The following IPO8 variants were observed in gnomAD, a reference collection of about 807,000 sequenced individuals.
The protein encoded by IPO8 is importin 8.
In IPO8, 65 loss-of-function variants were observed where a neutral mutation model predicts 141.2. The ratio of observed to expected loss-of-function variants is 0.46; its 90% CI spans 0.38 to 0.57. The LOEUF is 0.57. Ranked by LOEUF, IPO8 falls within the 20% of genes least tolerant of loss-of-function variation. IPO8 has a pLI of 0.00. For synonymous variants in IPO8, 411 were observed against 420.3 expected, an observed-to-expected ratio of 0.98 and a Z score of 0.27; for missense variants, 980 against 1,246.8, an observed-to-expected ratio of 0.79 and a Z score of 3.22.
chr12:30,676,425 G>A (rs956861751), intron 6 of IPO8, 73 bp downstream of exon 6: 8 of 849,068 alleles, frequency 9.4e-6, no homozygotes, highest in Non-Finnish European at 1.5e-5. Context: ...AGCAGTCAGG[G>A]ATAATGCATC....
chr12:30,648,803 G>A (rs1385986060), intron 20 of IPO8, among the ~76,000 whole-genome samples: 1 of 151,906 alleles, frequency 6.6e-6, no homozygotes, highest in South Asian at 2.1e-4. Context: ...GTTAGAAAAG[G>A]TACCTAGGAG....
Position 30,669,208 on chromosome 12 carries a change from T to C in IPO8, c.1119A>G (p.Pro373=), listed in dbSNP as rs754011199. 5 of 1,580,146 alleles carry C rather than the reference T, an allele frequency of 3.2e-6. No homozygotes were observed. Among genetic ancestry groups the C allele is most frequent in the Non-Finnish European group, 4.3e-6 (5 of 1,156,994 alleles). Reference sequence around the variant, plus strand: ...CAAATTTCATCCTTATATACTCATATGGATCTTCTTGCCACAGCTCTTCAT... The same window carrying C: ...CAAATTTCATCCTTATATACTCATACGGATCTTCTTGCCACAGCTCTTCAT... The part of the protein sequence containing the change: ...DEDEELWQED[P]YEYIRMKFDI... Residue 373 remains proline (P), a synonymous_variant, in exon 10 of 25, where the codon CCA becomes CCG. Transcript: ENST00000256079.
At chr12:30,657,180 T>C (rs1381752881) in intron 16 of IPO8, among the ~76,000 whole-genome samples, 1 of 151,982 alleles carries the variant, frequency 6.6e-6, no homozygotes, top group African/African-American at 2.4e-5. Context: ...TAAAAAAAAA[T>C]GAGTGAAATA....
At chr12:30,681,061 T>A (rs1215902544) in intron 4 of IPO8, among the ~76,000 whole-genome samples, 1 of 152,180 alleles carries the variant, frequency 6.6e-6, no homozygotes, top group Non-Finnish European at 1.5e-5. Context: ...TAGTTTAAAA[T>A]TTAGGTGCTC....
chr12:30,684,546 A>C, intron 2 of IPO8, 89 bp from the exon 3 acceptor site: 3 of 1,285,288 alleles, frequency 2.3e-6, no homozygotes, highest in Non-Finnish European at 3.3e-6. Flanking sequence ...AAACCCTTCA[A>C]TGTTAAACAT....
chr12:30,636,572 T>C (rs2052504836), intron 22 of IPO8, among the ~76,000 whole-genome samples: 1 of 152,152 alleles, frequency 6.6e-6, no homozygotes, highest in Admixed American at 6.5e-5. Context: ...AGACACTCTC[T>C]ACTAATCTGT....
At chr12:30,658,263 G>A (rs1725567193) in intron 16 of IPO8, among the ~76,000 whole-genome samples, 2 of 152,128 alleles carry the variant, frequency 1.3e-5, no homozygotes, top group Admixed American at 1.3e-4. Context: ...TACACTATTT[G>A]TCAGTGTTTC....
chr12:30,691,423 C>T (rs1052496754), intron 1 of IPO8, among the ~76,000 whole-genome samples: 5 of 152,210 alleles, frequency 3.3e-5, no homozygotes, highest in African/African-American at 1.2e-4. Flanking sequence ...TGGGTCACTT[C>T]ACCCCACAGG....
At chr12:30,638,394 T>C (rs4143106) in intron 21 of IPO8, among the ~76,000 whole-genome samples, 86,330 of 151,952 alleles carry the variant, frequency 0.57, 25,634 homozygotes, top group African/African-American at 0.74. Context: ...CTTGTAAATA[T>C]GTTCCCCCAT....
chr12:30,649,015 C>A, intron 20 of IPO8, 122 bp downstream of exon 20: 1 of 581,992 alleles, frequency 1.7e-6, no homozygotes, highest in Non-Finnish European at 2.9e-6. Context: ...AGAATTTGCA[C>A]CAGAAAGCAC....
chr12:30,634,008 A>T (rs1206862729), intron 23 of IPO8, 75 bp downstream of exon 23: 1 of 1,377,652 alleles, frequency 7.3e-7, no homozygotes, highest in African/African-American at 1.5e-5. Flanking sequence ...TCTTGGGCAA[A>T]TATCAAAACA....
At chr12:30,661,473 T>C (rs1161640744) in intron 15 of IPO8, among the ~76,000 whole-genome samples, 2 of 152,092 alleles carry the variant, frequency 1.3e-5, no homozygotes, top group Non-Finnish European at 2.9e-5. Flanking sequence ...AACTATTATA[T>C]CCAGAGAGCT....
chr12:30,681,754 T>G lies in IPO8; in HGVS notation c.387A>C (p.Gly129=), dbSNP rs1353886524. The G allele has an allele frequency of 5.0e-6, 8 of 1,613,694 alleles. No homozygotes were observed. Among genetic ancestry groups the G allele is most frequent in the Non-Finnish European group, 6.8e-6 (8 of 1,179,744 alleles). ...IKHDFPGHWP[G]VVDKIDYYLQ... is the part of the protein sequence containing the mutation. ...AGTAATAGTCTATCTTGTCGACCAC[T>G]CCTGGCCAGTGACCAGGAAAATCAT... The change falls in exon 4 of 25, where the codon GGA becomes GGC. Residue 129 remains glycine (G), a synonymous_variant. Coordinates refer to ENST00000256079, the MANE Select transcript of IPO8 (RefSeq NM_006390.4).
intron 2 of IPO8, among the ~76,000 whole-genome samples, chr12:30,687,168 A>T (rs1012312296): frequency 6.6e-6 from 1 of 152,238 alleles, no homozygotes; most frequent in Non-Finnish European, 1.5e-5. Context: ...TATTAAATTT[A>T]CTGTATCTGT....
At chr12:30,674,586 C>G in intron 7 of IPO8, 73 bp downstream of exon 7, 2 of 1,138,900 alleles carry the variant, frequency 1.8e-6, no homozygotes, top group Admixed American at 1.7e-5. Flanking sequence ...CTCGGTGGCT[C>G]TAAAGACAGA....
Position 30,695,768 on chromosome 12 carries a change from G to A in IPO8, c.-121C>T. On this transcript the variant is annotated 5_prime_UTR_variant, in exon 1 of 25. Coordinates refer to ENST00000256079, the MANE Select transcript of IPO8 (RefSeq NM_006390.4). This position sits in a 1 kb window ranked among gnomAD's most constrained non-coding sequence, Gnocchi z 4.2. The stretch of plus-strand genomic sequence containing the variant: ...TGGATTACCTCACACCCCACCCCCC[G>A]CCACCGTCGCCACCTGCGGCCACTT... The A allele has an allele frequency of 4.1e-6, 3 of 723,620 alleles. No individual in the cohort carries two copies. The highest frequency in any genetic ancestry group is 4.1e-6 in the Non-Finnish European group (2 of 485,898). The allele number at this position is 723,620 out of a possible 1,614,324, so 44.8% of individuals were successfully genotyped here.
intron 20 of IPO8, among the ~76,000 whole-genome samples, chr12:30,645,231 G>A (rs1162813589): frequency 6.6e-6 from 1 of 151,808 alleles, no homozygotes; most frequent in African/African-American, 2.4e-5. Flanking sequence ...AAATTAGCTG[G>A]GTGTGATGGC....
At chr12:30,672,182 T>C (rs1169605893) in intron 8 of IPO8, among the ~76,000 whole-genome samples, 1 of 152,220 alleles carries the variant, frequency 6.6e-6, no homozygotes, top group East Asian at 1.9e-4. Flanking sequence ...TCCAGAGCTC[T>C]TCACCATATC....
At chr12:30,654,632 A>AATCAT (rs1219804053) in intron 17 of IPO8, among the ~76,000 whole-genome samples, 2 of 152,102 alleles carry the variant, frequency 1.3e-5, no homozygotes, top group Admixed American at 6.5e-5. Context: ...TTAAATCACT[A>AATCAT]ATCATCAGGG....
Sources: allele counts gnomAD v4.1 joint callset (sites outside exome capture counted in the v4.1 genomes callset), GRCh38; gene constraint gnomAD v4.1.1; non-coding constraint Gnocchi (gnomAD v3.1); transcripts MANE v1.5; gene names NCBI Gene and HGNC (gene_info 2026-07-23, HGNC 2026-07-21).